The following ARMC2 variants were observed in gnomAD, a reference collection of about 807,000 sequenced individuals.
The protein encoded by ARMC2 is armadillo repeat-containing protein 2.
In ARMC2, 67 loss-of-function variants were observed where a neutral mutation model predicts 90.3. The ratio of observed to expected loss-of-function variants is 0.74; its 90% confidence interval spans 0.61 to 0.91. The LOEUF is 0.91. ARMC2 is among the 40% of genes least tolerant of loss of function. The pLI, the probability that ARMC2 is intolerant of heterozygous loss-of-function variation, is 0.00. For synonymous variants in ARMC2, 393 were observed against 393.0 expected (o/e 1.00, Z 0.00); for missense variants, 920 against 1,030.9 (o/e 0.89, Z 1.47).
intron 12 of ARMC2, among the ~76,000 whole-genome samples, chr6:108,945,821 A>G (rs1317943489): frequency 2.0e-5 from 3 of 152,240 alleles, no homozygotes; most frequent in Non-Finnish European, 4.4e-5. Flanking sequence ...AGCATTCCAG[A>G]GAGGTGCCTT....
rs9400252 is a variant in ARMC2 at position 108,912,315 on chromosome 6, A to G, written c.1127-20A>G. The G allele has an allele frequency of 0.035, 53,037 of 1,534,908 alleles. 2,412 individuals are homozygous for G. Among genetic ancestry groups the G allele is most frequent in the East Asian group, 0.21 (9,253 of 44,296 alleles). On this transcript the variant is annotated intron_variant, in intron 9 of 17. Transcript: ENST00000392644. The stretch of plus-strand genomic sequence containing the variant: ...CAGCTGTTATACTCAGACATTTATA[A>G]TAATTAATCTTTTTGACAGAATCAT...
At chr6:108,930,126 TAA>T (rs548988083) in intron 11 of ARMC2, among the ~76,000 whole-genome samples, 18 of 138,980 alleles carry the variant, frequency 1.3e-4, no homozygotes, top group Admixed American at 3.6e-4. Flanking sequence ...AGACCCTATC[TAA>T]AAAAAAAAAA....
At chr6:109,021,325 T>C in the ARMC2 span, among the ~76,000 whole-genome samples, 1 of 152,190 alleles carries the variant, frequency 6.6e-6, no homozygotes, top group Non-Finnish European at 1.5e-5. Flanking sequence ...AATAACATTG[T>C]AGGATGCTGT....
chr6:108,993,371 C>T, the ARMC2 span, among the ~76,000 whole-genome samples: 2 of 152,118 alleles, frequency 1.3e-5, no homozygotes, highest in Non-Finnish European at 2.9e-5. Context: ...TGCACTGTGA[C>T]TAAGACTTTC....
At chr6:109,048,964 C>T in the ARMC2 span, among the ~76,000 whole-genome samples, 1 of 152,296 alleles carries the variant, frequency 6.6e-6, no homozygotes, top group East Asian at 1.9e-4. Flanking sequence ...CACTAAACAG[C>T]AAGTCTCTCT....
intron 11 of ARMC2, among the ~76,000 whole-genome samples, chr6:108,930,882 A>G (rs1775504718): frequency 6.7e-6 from 1 of 149,500 alleles, no homozygotes; most frequent in Admixed American, 6.7e-5. Context: ...GGCGTGAGCC[A>G]CCGCACCCGG....
At chr6:108,868,468 C>T (rs1404508300) in intron 3 of ARMC2, among the ~76,000 whole-genome samples, 1 of 152,152 alleles carries the variant, frequency 6.6e-6, no homozygotes, top group Non-Finnish European at 1.5e-5. Context: ...CCACCTGCCT[C>T]GGCCTCCCAA....
the ARMC2 span, chr6:108,990,594 A>T: frequency 6.5e-7 from 1 of 1,546,636 alleles, no homozygotes; most frequent in Non-Finnish European, 8.9e-7. Flanking sequence ...GCACTTGAAT[A>T]ATTTGGCCCA....
chr6:108,951,010 A>G (rs1777141701), intron 12 of ARMC2, among the ~76,000 whole-genome samples: 1 of 152,238 alleles, frequency 6.6e-6, no homozygotes, highest in Non-Finnish European at 1.5e-5. Flanking sequence ...ACATGAAAAG[A>G]GTTCACAGAA....
the ARMC2 span, among the ~76,000 whole-genome samples, chr6:109,017,525 T>C: frequency 6.6e-6 from 1 of 152,148 alleles, no homozygotes; most frequent in Admixed American, 6.6e-5. Flanking sequence ...CACCTCGTGA[T>C]CCGCCTGCCT....
intron 10 of ARMC2, among the ~76,000 whole-genome samples, chr6:108,927,776 A>G (rs1024679928): frequency 2.6e-5 from 4 of 152,146 alleles, no homozygotes; most frequent in Admixed American, 6.5e-5. Context: ...TGTGGCTATC[A>G]CAGGGCCAGC....
downstream of ARMC2, among the ~76,000 whole-genome samples, chr6:108,975,652 C>T (rs2128523186): frequency 6.6e-6 from 1 of 152,340 alleles, no homozygotes; most frequent in South Asian, 2.1e-4. Context: ...TTCTCCACAT[C>T]CTCTCCAGTA....
intron 10 of ARMC2, among the ~76,000 whole-genome samples, chr6:108,919,483 C>A (rs769724686): frequency 6.6e-6 from 1 of 151,996 alleles, no homozygotes; most frequent in Non-Finnish European, 1.5e-5. Flanking sequence ...GAGCAAATAG[C>A]CCCATGATTG....
At chr6:108,866,081 G>A (rs1454873545) in intron 3 of ARMC2, among the ~76,000 whole-genome samples, 1 of 150,598 alleles carries the variant, frequency 6.6e-6, no homozygotes, top group Non-Finnish European at 1.5e-5. Flanking sequence ...AGAAGGAGCT[G>A]TTTACTTTGT....
At chr6:108,894,145 A>C (rs1562361218) in intron 5 of ARMC2, among the ~76,000 whole-genome samples, 1 of 152,170 alleles carries the variant, frequency 6.6e-6, no homozygotes. Context: ...AGGCAGGAGG[A>C]TCACTTGAGA....
chr6:109,049,287 C>T, the ARMC2 span, among the ~76,000 whole-genome samples: 58 of 151,618 alleles, frequency 3.8e-4, 1 homozygote, highest in East Asian at 0.011. Flanking sequence ...GAAAGTTAAA[C>T]ATCGTATGTT....
At chr6:109,050,748 G>A in the ARMC2 span, among the ~76,000 whole-genome samples, 1 of 152,094 alleles carries the variant, frequency 6.6e-6, no homozygotes, top group African/African-American at 2.4e-5. Flanking sequence ...TTCCAAGAGA[G>A]CTATCTTCTT....
the ARMC2 span, among the ~76,000 whole-genome samples, chr6:109,049,592 C>G: frequency 3.3e-5 from 5 of 151,860 alleles, no homozygotes; most frequent in African/African-American, 1.2e-4. Context: ...TTATCCTGAT[C>G]TGATCACTGC....
chr6:108,965,064 A>G lies in ARMC2; in HGVS notation c.2370A>G (p.Glu790=). 1.2e-6 allele frequency: 2 copies of G among 1,613,794 alleles called. No individual in the cohort carries two copies. The highest frequency in any genetic ancestry group is 1.7e-6 in the Non-Finnish European group (2 of 1,179,706). Residue 790 remains glutamate, a synonymous_variant, in exon 17 of 18, where the codon GAA becomes GAG. Coordinates refer to ENST00000392644, the MANE Select transcript of ARMC2 (RefSeq NM_032131.6). ...GTAAAACTTTATGGAACTTCAGTGA[A>G]AACATCACTAATGCTTCGTCATGTT... ...LVCKTLWNFS[E]NITNASSCFG... is the part of the protein sequence containing the mutation.
Sources: gnomAD v4.1 joint callset for allele counts (sites outside exome capture counted in the v4.1 genomes callset) on GRCh38, gnomAD v4.1.1 for gene constraint, MANE v1.5 for transcripts, NCBI Gene and HGNC (gene_info 2026-07-23, HGNC 2026-07-21) for gene names.